The following CLDN18 variants were observed in gnomAD, a reference collection of about 807,000 sequenced individuals.
The protein encoded by CLDN18 is claudin 18, also known as claudin-18.
CLDN18 carries 20 observed loss-of-function variants against 25.0 expected under a neutral mutation model. The ratio of observed to expected loss-of-function variants is 0.80; its 90% confidence interval spans 0.56 to 1.16. The LOEUF (loss-of-function observed/expected upper bound fraction) is 1.16. Among genes scored for constraint, CLDN18 ranks in the 50% most tolerant of loss-of-function variants. The pLI is 0.00. For synonymous variants in CLDN18, 125 were observed against 135.6 expected, an observed-to-expected ratio of 0.92 and a Z score of 0.54; for missense variants, 297 against 345.4, an observed-to-expected ratio of 0.86 and a Z score of 1.11.
At chr3:138,002,754 G>A (rs1168324918) in intron 1 of CLDN18, among the ~76,000 whole-genome samples, 7 of 152,160 alleles carry the variant, frequency 4.6e-5, no homozygotes, top group African/African-American at 1.7e-4. Flanking sequence ...AGAACTGGTG[G>A]TCACCTTCCT....
chr3:138,001,922 A>C (rs558981126), intron 1 of CLDN18, among the ~76,000 whole-genome samples: 2 of 152,308 alleles, frequency 1.3e-5, no homozygotes, highest in South Asian at 4.1e-4. Context: ...AAAACTAATA[A>C]GCCCAAATTT....
At chr3:138,004,624 A>G (rs1255982328) in intron 1 of CLDN18, 1 of 152,148 alleles carries the variant, frequency 6.6e-6, no homozygotes, top group Admixed American at 6.5e-5. Flanking sequence ...GTTGAATACA[A>G]GATAGAGGAG....
intron 3 of CLDN18, among the ~76,000 whole-genome samples, chr3:138,027,752 G>T (rs577286362): frequency 7.7e-4 from 118 of 152,276 alleles, no homozygotes; most frequent in Non-Finnish European, 1.3e-3. Context: ...AAGGACAGGG[G>T]CTCTGTCTGT....
Position 138,002,553 on chromosome 3 carries a change from C to G in CLDN18, c.220+3465C>G, listed in dbSNP as rs1283721277. ...TCATAAACACCAACATAAACATAAT[C>G]CATAAGTAGCCAGCCAAAGGATCTG... On this transcript the variant is annotated intron_variant, in intron 1 of 4. Coordinates refer to the CLDN18 transcript ENST00000343735. Among the ~76,000 whole-genome samples, 3 of 152,180 alleles carry G rather than the reference C, an allele frequency of 2.0e-5. No homozygotes were observed. The East Asian group carries it at 5.8e-4, about 29-fold the overall frequency.
intron 1 of CLDN18, among the ~76,000 whole-genome samples, chr3:138,021,696 T>C (rs1431356965): frequency 6.6e-6 from 1 of 152,196 alleles, no homozygotes; most frequent in Non-Finnish European, 1.5e-5. Context: ...TTATGCCCTT[T>C]ACCTCTTCTC....
chr3:138,006,978 T>TG (rs146545442), upstream of CLDN18, among the ~76,000 whole-genome samples: 127 of 152,070 alleles, frequency 8.4e-4, 1 homozygote, highest in Admixed American at 4.8e-3. Context: ...ATAGGGAAAC[T>TG]GGGGGGGGAA....
chr3:138,000,774 C>T (rs566360849), intron 1 of CLDN18, among the ~76,000 whole-genome samples: 15 of 152,350 alleles, frequency 9.8e-5, no homozygotes, highest in Non-Finnish European at 1.8e-4. Flanking sequence ...CTTCCACGTT[C>T]CCATGTCCTG....
At chr3:138,030,496 A>G (rs894222287) in intron 4 of CLDN18, among the ~76,000 whole-genome samples, 4 of 152,162 alleles carry the variant, frequency 2.6e-5, no homozygotes, top group Non-Finnish European at 4.4e-5. Context: ...CTGTGCCTCT[A>G]TCACCTCATC....
In CLDN18 at chr3:138,010,283, G is replaced by A. The variant is rs781764259; in HGVS notation, c.58G>A (p.Gly20Ser). 1.9e-6 allele frequency: 3 copies of A among 1,614,122 alleles called. No individual in the cohort carries two copies. The highest frequency in any genetic ancestry group is 2.2e-5 in the East Asian group (1 of 44,866). Reference sequence around the variant, plus strand: ...CCTCCTGTCCATCCTGGGGCTGGCCGGCTGCATCGCGGCCACCGGGATGGA... The same window carrying A: ...CCTCCTGTCCATCCTGGGGCTGGCCAGCTGCATCGCGGCCACCGGGATGGA... The part of the protein sequence containing the change: ...AFLLSILGLA[G>S]CIAATGMDMW... Residue 20 changes from glycine to serine, a missense_variant, in exon 1 of 5, where the codon GGC becomes AGC. Coordinates refer to ENST00000183605, the MANE Select transcript of CLDN18 (RefSeq NM_016369.4).
intron 1 of CLDN18, among the ~76,000 whole-genome samples, chr3:138,000,167 A>G (rs973491058): frequency 3.3e-5 from 5 of 152,152 alleles, no homozygotes; most frequent in Non-Finnish European, 5.9e-5. Context: ...GCTTCCTATA[A>G]CCTTGGGAAT....
At chr3:138,019,784 T>A (rs1942250016) in intron 1 of CLDN18, among the ~76,000 whole-genome samples, 1 of 152,150 alleles carries the variant, frequency 6.6e-6, no homozygotes, top group South Asian at 2.1e-4. Context: ...CACCTGTCAG[T>A]TCACAGCTAC....
chr3:138,017,415 A>G (rs1942219146), intron 1 of CLDN18, among the ~76,000 whole-genome samples: 1 of 152,162 alleles, frequency 6.6e-6, no homozygotes, highest in African/African-American at 2.4e-5. Context: ...GGAGAGTTAC[A>G]GAGTTTCCTA....
upstream of CLDN18, among the ~76,000 whole-genome samples, chr3:138,006,250 C>A (rs1247226454): frequency 2.6e-5 from 4 of 152,090 alleles, no homozygotes; most frequent in Admixed American, 2.6e-4. Flanking sequence ...TTATTTTTCT[C>A]ACTAGTATAT....
chr3:138,000,379 A>C (rs1942003001), intron 1 of CLDN18, among the ~76,000 whole-genome samples: 1 of 152,226 alleles, frequency 6.6e-6, no homozygotes, highest in Non-Finnish European at 1.5e-5. Context: ...GAAAAACAGC[A>C]TGGGCAAAGC....
At chr3:138,009,290 C>G (rs1029761689), upstream of CLDN18, among the ~76,000 whole-genome samples, 10 of 152,198 alleles carry the variant, frequency 6.6e-5, no homozygotes, top group Non-Finnish European at 1.2e-4. Context: ...TCTCCGTGAC[C>G]AGGCCAAGGA....
chr3:138,015,702 G>A lies in CLDN18; in HGVS notation c.220+5257G>A, dbSNP rs536172057. On this transcript the variant is annotated intron_variant, in intron 1 of 4. Transcript: ENST00000183605. ...GGTGATCATGCCACTGCACTCCAGC[G>A]TGGGCAACAGAGCAAGATCTCACCT... 2.4e-4 allele frequency among the ~76,000 whole-genome samples: 37 copies of A among 152,222 alleles called. No individual in the cohort carries two copies. In the South Asian group the frequency reaches 2.5e-3, roughly 10 times the overall value.
At position 138,029,845 on chromosome 3, in the gene CLDN18, C is replaced by T. The variant is rs752949548; in HGVS notation, c.552C>T (p.Leu184=). 1.3e-5 allele frequency: 20 copies of T among 1,596,972 alleles called. No homozygotes were observed. The highest frequency in any genetic ancestry group is 1.7e-4 in the Middle Eastern group (1 of 6,024). ...TCGTGGGCTGGGTCGCTGGAGGCCT[C>T]ACACTAATTGGGGGTGTGATGATGT... The part of the protein sequence containing the change: ...ALFVGWVAGG[L]TLIGGVMMCI... Residue 184 remains leucine, a synonymous_variant, in exon 4 of 5, where the codon CTC becomes CTT. Transcript: ENST00000183605.
Position 138,013,026 on chromosome 3 carries a change from T to C in CLDN18, c.220+2581T>C, listed in dbSNP as rs3821697. On this transcript the variant is annotated intron_variant, in intron 1 of 4. Coordinates refer to ENST00000183605, the MANE Select transcript of CLDN18 (RefSeq NM_016369.4). Reference sequence around the variant, plus strand: ...TTTCCCTTCAGCTGGATAAGAATTATTTCCCCATTTCCCAGAAAAGCGCCT... The same window carrying C: ...TTTCCCTTCAGCTGGATAAGAATTACTTCCCCATTTCCCAGAAAAGCGCCT... Among the ~76,000 whole-genome samples the C allele has an allele frequency of 1.0e-2, 1,520 of 152,330 alleles. 102 individuals carry two copies. In the East Asian group the frequency reaches 0.17, roughly 17 times the overall value.
rs1942365489 is a variant in CLDN18, at chr3:138,029,809, T to C, written c.516T>C (p.Gly172=). The change falls in exon 4 of 5, where the codon GGT becomes GGC. Residue 172 remains glycine, a synonymous_variant. Coordinates refer to ENST00000183605, the MANE Select transcript of CLDN18 (RefSeq NM_016369.4). ...TCTCCCTACCCAGGTACACATTTGG[T>C]GCGGCTCTGTTCGTGGGCTGGGTCG... ...VQTVQTRYTF[G]AALFVGWVAG... is the part of the protein sequence containing the mutation. 1.3e-6 allele frequency: 2 copies of C among 1,575,430 alleles called. No individual in the cohort carries two copies. The highest frequency in any genetic ancestry group is 1.9e-5 in the Admixed American group (1 of 53,150).
Sources: allele counts gnomAD v4.1 joint callset (sites outside exome capture counted in the v4.1 genomes callset), GRCh38; gene constraint gnomAD v4.1.1; transcripts MANE v1.5; gene names NCBI Gene and HGNC (gene_info 2026-07-23, HGNC 2026-07-21).